Variants in MYO16 observed in about 807,000 individuals in gnomAD.
The protein encoded by MYO16 is myosin XVI.
In MYO16, 94 loss-of-function variants were observed where a neutral mutation model predicts 205.3. The observed-to-expected ratio is 0.46, with a 90% CI of 0.39 to 0.54. The LOEUF (loss-of-function observed/expected upper bound fraction) is 0.54. MYO16 is among the 20% of genes least tolerant of loss of function. MYO16 has a pLI of 0.00. For synonymous variants in MYO16, 988 were observed against 954.0 expected (o/e 1.04, Z -0.66); for missense variants, 2,315 against 2,387.5 (o/e 0.97, Z 0.63).
intron 4 of MYO16, among the ~76,000 whole-genome samples, chr13:108,749,681 G>A (rs532265624): frequency 6.6e-6 from 1 of 152,260 alleles, no homozygotes; most frequent in South Asian, 2.1e-4. Context: ...ACTGCTGGTG[G>A]GAACAAAATG....
the MYO16 span, among the ~76,000 whole-genome samples, chr13:108,497,093 T>C: frequency 6.6e-6 from 1 of 152,312 alleles, no homozygotes; most frequent in South Asian, 2.1e-4. Flanking sequence ...CATCTCCCAG[T>C]GCTTTTCACT....
chr13:109,174,736 TTCTTG>T lies in MYO16; in HGVS notation c.5324-4796_5324-4792del, dbSNP rs1479897351. On this transcript the variant is annotated intron_variant, in intron 33 of 34. Coordinates refer to ENST00000457511, the MANE Select transcript of MYO16 (RefSeq NM_001198950.3). The stretch of plus-strand genomic sequence containing the variant: ...ACCCCCCTTGAAAGTCTCTTTCTCA[TTCTTG>T]TCTTGTCTTTTTTTTTTTTTTTTTT... 2.7e-3 allele frequency among the ~76,000 whole-genome samples: 398 copies of T among 149,034 alleles called. 6 individuals are homozygous for T. The highest frequency in any genetic ancestry group is 3.5e-3 in the Non-Finnish European group (236 of 67,468).
chr13:108,958,702 A>C (rs1338690345), intron 17 of MYO16, among the ~76,000 whole-genome samples: 1 of 152,200 alleles, frequency 6.6e-6, no homozygotes, highest in East Asian at 1.9e-4. Context: ...TGGTTACTGA[A>C]TCAAACAGCA....
chr13:109,022,317 A>AT (rs1886069999), intron 23 of MYO16, among the ~76,000 whole-genome samples: 2 of 61,132 alleles, frequency 3.3e-5, no homozygotes, highest in African/African-American at 2.0e-4. Context: ...TTTATATATT[A>AT]TATACAAATA....
At chr13:109,165,096 A>G (rs1878586475) in intron 33 of MYO16, 37 bp downstream of exon 33, 1 of 1,502,558 alleles carries the variant, frequency 6.7e-7, no homozygotes, top group Non-Finnish European at 9.0e-7. Context: ...AATGTACAAA[A>G]GTTTTAGGCT....
At chr13:109,083,644 G>A (rs541907767) in intron 27 of MYO16, among the ~76,000 whole-genome samples, 18 of 152,198 alleles carry the variant, frequency 1.2e-4, no homozygotes, top group African/African-American at 3.6e-4. Context: ...ACTCTAAGTG[G>A]GAGTCATACT....
At chr13:108,645,280 C>T (rs1176667645) in intron 1 of MYO16, among the ~76,000 whole-genome samples, 2 of 152,142 alleles carry the variant, frequency 1.3e-5, no homozygotes, top group African/African-American at 2.4e-5. Context: ...GAGATTGAGT[C>T]ATCAATAGTA....
chr13:108,616,729 A>T (rs1879362818), intron 1 of MYO16, among the ~76,000 whole-genome samples: 2 of 152,132 alleles, frequency 1.3e-5, no homozygotes, highest in South Asian at 4.1e-4. Flanking sequence ...GGTTGTTAGA[A>T]TCCATCAGTA....
chr13:109,147,816 A>G (rs879886430), intron 32 of MYO16, among the ~76,000 whole-genome samples: 3 of 152,184 alleles, frequency 2.0e-5, no homozygotes, highest in Non-Finnish European at 2.9e-5. Context: ...GCATTCCAGA[A>G]CCATTTTAAA....
intron 2 of MYO16, among the ~76,000 whole-genome samples, chr13:108,704,886 A>C (rs1362949056): frequency 6.6e-6 from 1 of 151,996 alleles, no homozygotes; most frequent in African/African-American, 2.4e-5. Context: ...AATAAAACCA[A>C]AACTTGGCTC....
chr13:108,532,093 C>T, the MYO16 span, among the ~76,000 whole-genome samples: 7 of 152,048 alleles, frequency 4.6e-5, no homozygotes, highest in African/African-American at 1.4e-4. Flanking sequence ...GTAATCCCAG[C>T]TACTTGGGAG....
rs535402002 is a variant in MYO16, at chr13:108,986,359, T to C, written c.2370-6017T>C. ...GATGTAGTCTGGGCATGGTGGCTCA[T>C]GGCTGTAATCCCAGCACTTAAGGGA... On this transcript the variant is annotated intron_variant, in intron 20 of 34. Transcript: ENST00000457511. Among the ~76,000 whole-genome samples, 19 of 152,234 alleles carry C rather than the reference T, an allele frequency of 1.2e-4. No homozygotes were observed. In the South Asian group the frequency reaches 2.1e-3, roughly 17 times the overall value.
chr13:108,775,829 G>A (rs1886106584), intron 4 of MYO16, among the ~76,000 whole-genome samples: 1 of 152,298 alleles, frequency 6.6e-6, no homozygotes, highest in East Asian at 1.9e-4. Flanking sequence ...CATTCAACGG[G>A]AAGAATTATG....
chr13:108,932,232 A>G (rs1368289655), intron 16 of MYO16, among the ~76,000 whole-genome samples: 2 of 152,014 alleles, frequency 1.3e-5, no homozygotes, highest in Non-Finnish European at 2.9e-5. Flanking sequence ...TTTTATATCC[A>G]TAGTTGTTTT....
chr13:108,648,726 C>G (rs148794214), intron 1 of MYO16, among the ~76,000 whole-genome samples: 17 of 151,926 alleles, frequency 1.1e-4, no homozygotes, highest in African/African-American at 4.1e-4. Context: ...TTATATTACA[C>G]GAGTCACTTG....
chr13:108,585,687 C>T, the MYO16 span, among the ~76,000 whole-genome samples: 4 of 152,032 alleles, frequency 2.6e-5, no homozygotes, highest in Middle Eastern at 3.4e-3. Context: ...TATTTTTTTC[C>T]TTGTTTCATA....
At chr13:108,789,536 G>A (rs562415505) in intron 5 of MYO16, among the ~76,000 whole-genome samples, 4 of 152,128 alleles carry the variant, frequency 2.6e-5, no homozygotes, top group Non-Finnish European at 5.9e-5. Context: ...CATAGTTGGG[G>A]TTACAGTCTG....
At position 108,794,278 on chromosome 13, in the gene MYO16, C is replaced by T. The variant is rs1886713103; in HGVS notation, c.741+638C>T. Among the ~76,000 whole-genome samples the T allele has an allele frequency of 2.0e-5, 3 of 152,172 alleles. No individual in the cohort carries two copies. In the South Asian group the frequency reaches 6.2e-4, roughly 31 times the overall value. ...CTGTACATCAAGCCACTAAAACACA[C>T]AATTTACCCATGTAACAACATACAC... On this transcript the variant is annotated intron_variant, in intron 6 of 34. Transcript: ENST00000457511.
chr13:109,098,930 C>A (rs751460678), intron 27 of MYO16, among the ~76,000 whole-genome samples: 1 of 152,058 alleles, frequency 6.6e-6, no homozygotes, highest in African/African-American at 2.4e-5. Flanking sequence ...CATGAGTCAC[C>A]CACTTATCAA....
Sources: gnomAD v4.1 joint callset for allele counts (sites outside exome capture counted in the v4.1 genomes callset) on GRCh38, gnomAD v4.1.1 for gene constraint, MANE v1.5 for transcripts, NCBI Gene and HGNC (gene_info 2026-07-23, HGNC 2026-07-21) for gene names.